The following FRAS1 variants were observed in gnomAD, a reference collection of about 807,000 sequenced individuals.
FRAS1 encodes the protein extracellular matrix organizing protein FRAS1.
In FRAS1, 290 loss-of-function variants were observed where a neutral mutation model predicts 435.2. That is an observed-to-expected ratio of 0.67 (90% CI 0.61 to 0.73). The LOEUF (loss-of-function observed/expected upper bound fraction) is 0.73. Ranked by LOEUF, FRAS1 falls within the 30% of genes least tolerant of loss-of-function variation. The probability of loss-of-function intolerance (pLI) is 0.00; values close to 1 mark genes in which losing one functional copy is unlikely to be tolerated. For missense variants in FRAS1, 4,860 were observed against 5,001.5 expected, an observed-to-expected ratio of 0.97 and a Z score of 0.85; for synonymous variants, 1,800 against 1,851.0, an observed-to-expected ratio of 0.97 and a Z score of 0.71.
At chr4:78,509,719 C>T (rs1342526660) in intron 63 of FRAS1, among the ~76,000 whole-genome samples, 1 of 152,212 alleles carries the variant, frequency 6.6e-6, no homozygotes, top group African/African-American at 2.4e-5. Flanking sequence ...AACAGCCCAC[C>T]ACAGTGATCC....
intron 20 of FRAS1, among the ~76,000 whole-genome samples, chr4:78,360,689 A>G (rs1401128577): frequency 6.6e-6 from 1 of 152,190 alleles, no homozygotes; most frequent in Admixed American, 6.5e-5. Context: ...TAGTGACTTC[A>G]GAAGAGTAAT....
intron 70 of FRAS1, among the ~76,000 whole-genome samples, chr4:78,530,901 AT>A (rs1407152651): frequency 6.6e-6 from 1 of 152,224 alleles, no homozygotes; most frequent in Non-Finnish European, 1.5e-5. Context: ...CTTGATGGGA[AT>A]AGCATTGAAT....
At chr4:78,086,828 G>T (rs1255508483) in intron 2 of FRAS1, among the ~76,000 whole-genome samples, 3 of 152,020 alleles carry the variant, frequency 2.0e-5, no homozygotes, top group Admixed American at 6.6e-5. Flanking sequence ...ATTCACAGCC[G>T]AATTCTACCA....
chr4:78,299,626 C>G (rs1370035048), intron 14 of FRAS1, among the ~76,000 whole-genome samples: 2 of 152,218 alleles, frequency 1.3e-5, no homozygotes, highest in Non-Finnish European at 2.9e-5. Flanking sequence ...TCATCCCCTA[C>G]AGATGTCTTG....
chr4:78,301,846 G>GT (rs59794614), intron 14 of FRAS1, among the ~76,000 whole-genome samples: 49,041 of 104,500 alleles, frequency 0.47, 11,890 homozygotes, highest in Non-Finnish European at 0.59. Flanking sequence ...CACAGAAACA[G>GT]TTTTTTTTTT....
At chr4:78,237,457 T>C in intron 2 of FRAS1, 53 bp from the exon 3 acceptor site, 1 of 1,268,438 alleles carries the variant, frequency 7.9e-7, no homozygotes, top group East Asian at 2.3e-5. Context: ...AGCTTTTGTG[T>C]GCTCATACCT....
At chr4:78,222,172 C>G (rs1196204206) in intron 2 of FRAS1, among the ~76,000 whole-genome samples, 1 of 152,148 alleles carries the variant, frequency 6.6e-6, no homozygotes, top group Non-Finnish European at 1.5e-5. Context: ...ACGGAGTTAT[C>G]AAGCCAGAAT....
At chr4:78,168,405 T>A (rs976587491) in intron 2 of FRAS1, among the ~76,000 whole-genome samples, 3 of 151,576 alleles carry the variant, frequency 2.0e-5, no homozygotes, top group Non-Finnish European at 4.4e-5. Context: ...TGTTTTTTCT[T>A]TTTTTTTAGC....
chr4:78,488,502 T>C (rs989609577), intron 58 of FRAS1, among the ~76,000 whole-genome samples: 60 of 152,190 alleles, frequency 3.9e-4, no homozygotes, highest in African/African-American at 1.4e-3. Context: ...GACAGTGAAG[T>C]CTTTTGAGTA....
Position 78,419,040 on chromosome 4 carries a change from C to A in FRAS1, c.4517C>A (p.Thr1506Asn). The change falls in exon 33 of 74, where the codon ACT (threonine) becomes AAT (asparagine). Residue 1506 changes from threonine (T) to asparagine (N), a missense_variant. Coordinates refer to ENST00000512123, the MANE Select transcript of FRAS1 (RefSeq NM_025074.7). ...AGTGGAAAGATTGTCTACAACATCA[C>A]TCTACCTCTGCATCCAAATCAAGGT... is the stretch of plus-strand genomic sequence containing the variant. ...KPSGKIVYNI[T>N]LPLHPNQGII... 6.3e-7 allele frequency: 1 copy of A among 1,576,170 alleles called. No individual in the cohort carries two copies. The highest frequency in any genetic ancestry group is 8.6e-7 in the Non-Finnish European group (1 of 1,163,682).
intron 70 of FRAS1, among the ~76,000 whole-genome samples, chr4:78,533,060 C>G (rs920949007): frequency 3.9e-5 from 6 of 152,142 alleles, no homozygotes; most frequent in African/African-American, 1.2e-4. Context: ...ATGATCCATA[C>G]TGTTTTACAT....
chr4:78,539,416 T>C lies in FRAS1; in HGVS notation c.11421T>C (p.Thr3807=). Reference sequence around the variant, plus strand: ...ACATGCCAGGTGTGGATGGATTTACTCTAAAAGTAGATGCACTCTATAAGG... The same window carrying C: ...ACATGCCAGGTGTGGATGGATTTACCCTAAAAGTAGATGCACTCTATAAGG... The part of the protein sequence containing the change: ...VSNMPGVDGF[T]LKVDALYKVE... Residue 3807 remains threonine, a synonymous_variant, in exon 73 of 74, where the codon ACT becomes ACC. Transcript: ENST00000512123. The C allele has an allele frequency of 6.2e-7, 1 of 1,611,406 alleles. No individual in the cohort carries two copies. The highest frequency in any genetic ancestry group is 8.5e-7 in the Non-Finnish European group (1 of 1,179,088).
At position 78,145,282 on chromosome 4, in the gene FRAS1, G is replaced by C. The variant is rs117200299; in HGVS notation, c.108+79266G>C. ...TCTAGGTAGGCCACTCACAGAAGGG[G>C]CAGTGATTGGAGTAAGGGTGTTTAT... is the stretch of plus-strand genomic sequence containing the variant. On this transcript the variant is annotated intron_variant, in intron 2 of 73. Transcript: ENST00000512123. Among the ~76,000 whole-genome samples, 38 of 152,240 alleles carry C rather than the reference G, an allele frequency of 2.5e-4. No homozygotes were observed. The East Asian group carries it at 5.4e-3, about 22-fold the overall frequency.
At chr4:78,336,969 G>A (rs370865) in intron 19 of FRAS1, among the ~76,000 whole-genome samples, 17,726 of 151,858 alleles carry the variant, frequency 0.12, 2,367 homozygotes, top group African/African-American at 0.33. Context: ...ACACCTTACC[G>A]TGACTCTCTT....
intron 14 of FRAS1, among the ~76,000 whole-genome samples, chr4:78,301,412 T>C (rs1441834220): frequency 6.6e-6 from 1 of 151,774 alleles, no homozygotes; most frequent in Non-Finnish European, 1.5e-5. Flanking sequence ...GAGGAGAATA[T>C]TTTAAAATCT....
intron 2 of FRAS1, among the ~76,000 whole-genome samples, chr4:78,174,952 C>A (rs188493001): frequency 6.6e-6 from 1 of 152,134 alleles, no homozygotes; most frequent in African/African-American, 2.4e-5. Flanking sequence ...GCACAGGCTG[C>A]GGTATTATTG....
intron 2 of FRAS1, among the ~76,000 whole-genome samples, chr4:78,218,162 A>G (rs192652818): frequency 2.2e-5 from 3 of 138,456 alleles, no homozygotes; most frequent in Non-Finnish European, 4.6e-5. Context: ...TATTTTACCA[A>G]ATGAAGTATG....
intron 9 of FRAS1, among the ~76,000 whole-genome samples, chr4:78,273,898 C>T (rs1408895999): frequency 1.3e-5 from 2 of 152,134 alleles, no homozygotes; most frequent in African/African-American, 2.4e-5. Flanking sequence ...GGTACCAGCT[C>T]CTCCTTGTAC....
Position 78,363,956 on chromosome 4 carries a change from G to C in FRAS1, c.2624G>C (p.Cys875Ser). Reference protein sequence around the residue: ...RTCQGRGPFSCSSCDTNLVLS... With the variant: ...RTCQGRGPFSSSSCDTNLVLS... Reference sequence around the variant, plus strand: ...TGCCAGGGCAGAGGACCTTTCTCCTGCTCCTCATGTGACACCAACCTCGTG... The same window carrying C: ...TGCCAGGGCAGAGGACCTTTCTCCTCCTCCTCATGTGACACCAACCTCGTG... The change falls in exon 22 of 74, where the codon TGC becomes TCC. Residue 875 changes from cysteine (C) to serine (S), a missense_variant. Cys to Ser is a moderately radical substitution (Grantham distance 112). Coordinates refer to ENST00000512123, the MANE Select transcript of FRAS1 (RefSeq NM_025074.7). 3 of 1,613,344 alleles carry C rather than the reference G, an allele frequency of 1.9e-6. No individual in the cohort carries two copies. Among genetic ancestry groups the C allele is most frequent in the Non-Finnish European group, 2.5e-6 (3 of 1,179,644 alleles).
Sources: gnomAD v4.1 joint callset for allele counts (sites outside exome capture counted in the v4.1 genomes callset) on GRCh38, gnomAD v4.1.1 for gene constraint, MANE v1.5 for transcripts, NCBI Gene and HGNC (gene_info 2026-07-23, HGNC 2026-07-21) for gene names.